PKD1L3: variants seen among roughly 807,000 people sequenced by gnomAD.
PKD1L3 encodes the protein polycystin-1-like protein 3.
In PKD1L3, 239 loss-of-function variants were observed where a neutral mutation model predicts 184.1. The observed-to-expected ratio is 1.30, with a 90% CI of 1.17 to 1.45. The LOEUF is 1.45. PKD1L3 is among the 40% of genes most tolerant of loss of function. PKD1L3 has a pLI of 0.00. For missense variants in PKD1L3, 2,660 were observed against 2,067.2 expected, an observed-to-expected ratio of 1.29 and a Z score of -5.56; for synonymous variants, 996 against 778.8, an observed-to-expected ratio of 1.28 and a Z score of -4.64.
chr16:71,999,042 C>T (rs112598676), intron 1 of PKD1L3, among the ~76,000 whole-genome samples: 20,376 of 151,870 alleles, frequency 0.13, 1,859 homozygotes, highest in Non-Finnish European at 0.19. Flanking sequence ...GAGGCCGAGG[C>T]GGGCGGATCA....
intron 8 of PKD1L3, 36 bp downstream of exon 8, chr16:71,979,971 A>C: frequency 6.5e-7 from 1 of 1,549,994 alleles, no homozygotes; most frequent in Non-Finnish European, 8.7e-7. Context: ...AGTGAAAAAC[A>C]CAGTGAAACT....
intron 4 of PKD1L3, among the ~76,000 whole-genome samples, chr16:71,987,836 G>T (rs902995724): frequency 6.7e-6 from 1 of 149,994 alleles, no homozygotes; most frequent in African/African-American, 2.5e-5. Flanking sequence ...AATACAGGGA[G>T]AGAGAGAGCT....
At chr16:71,946,293 CTG>C (rs1035010849) in intron 22 of PKD1L3, among the ~76,000 whole-genome samples, 2 of 151,866 alleles carry the variant, frequency 1.3e-5, no homozygotes, top group Admixed American at 1.3e-4. Flanking sequence ...ATAAAGTGTG[CTG>C]TGTACCCCTC....
chr16:71,984,113 G>C lies in PKD1L3; in HGVS notation c.889C>G (p.Leu297Val). ...FSRAVHGLQALNKLQEACEFL... is the reference protein window; with the variant it reads ...FSRAVHGLQAVNKLQEACEFL... Reference sequence around the variant, plus strand: ...TCACAAGCTTCCTGTAGTTTGTTAAGAGCTTGCAAACCATGAACTGCTCTG... The same window carrying C: ...TCACAAGCTTCCTGTAGTTTGTTAACAGCTTGCAAACCATGAACTGCTCTG... The change falls in exon 6 of 30, where the codon CTT becomes GTT. Residue 297 changes from leucine to valine, a missense_variant. Transcript: ENST00000620267. 1.3e-6 allele frequency: 2 copies of C among 1,552,060 alleles called. No individual in the cohort carries two copies. The highest frequency in any genetic ancestry group is 1.7e-6 in the Non-Finnish European group (2 of 1,147,022).
chr16:71,986,575 T>C, intron 4 of PKD1L3, 106 bp from the exon 5 acceptor site: 2 of 1,256,022 alleles, frequency 1.6e-6, no homozygotes, highest in Non-Finnish European at 2.1e-6. Context: ...TATGAGATAC[T>C]AATAGGCATT....
intron 4 of PKD1L3, among the ~76,000 whole-genome samples, chr16:71,989,643 T>C (rs1488013437): frequency 6.6e-6 from 1 of 152,236 alleles, no homozygotes; most frequent in Non-Finnish European, 1.5e-5. Flanking sequence ...CCTTTCCCTT[T>C]CTGTTAGATG....
chr16:71,955,243 G>A (rs1289298647), intron 16 of PKD1L3, among the ~76,000 whole-genome samples: 1 of 152,072 alleles, frequency 6.6e-6, no homozygotes, highest in Non-Finnish European at 1.5e-5. Context: ...GGTGTTTGTG[G>A]TGGAAGGGGT....
intron 3 of PKD1L3, among the ~76,000 whole-genome samples, chr16:71,992,417 G>A (rs923614639): frequency 1.3e-5 from 2 of 152,294 alleles, no homozygotes; most frequent in South Asian, 2.1e-4. Flanking sequence ...GGTAATAATG[G>A]AAGCATTGCT....
chr16:71,978,574 CTG>C (rs1422784895), intron 9 of PKD1L3, among the ~76,000 whole-genome samples, 191 bp from the exon 10 acceptor site: 1 of 147,176 alleles, frequency 6.8e-6, no homozygotes, highest in Non-Finnish European at 1.5e-5. Context: ...GAGTCACACT[CTG>C]TCAATCAGGA....
intron 5 of PKD1L3, among the ~76,000 whole-genome samples, chr16:71,985,572 C>T (rs969727463): frequency 6.6e-6 from 1 of 152,000 alleles, no homozygotes; most frequent in African/African-American, 2.4e-5. Flanking sequence ...GCTGGGACTA[C>T]AGGCACATGC....
rs531269366 is a variant in PKD1L3 at position 71,943,941 on chromosome 16, C to G, written c.3859+89G>C. The G allele has an allele frequency of 2.8e-6, 4 of 1,406,244 alleles. No individual in the cohort carries two copies. In the South Asian group the frequency reaches 4.3e-5, roughly 15 times the overall value. The allele number at this position is 1,406,244 out of a possible 1,614,324, so 87.1% of individuals were successfully genotyped here. On this transcript the variant is annotated intron_variant, in intron 23 of 29. Transcript: ENST00000620267. ...GATTTTAAAAGACAGCTTTTTAACC[C>G]TTCTTTATTTTCCATTTTATTCTCT...
At chr16:71,960,988 C>T (rs1376038570) in intron 16 of PKD1L3, among the ~76,000 whole-genome samples, 4 of 152,106 alleles carry the variant, frequency 2.6e-5, no homozygotes, top group Admixed American at 2.6e-4. Context: ...GAGAAAATTT[C>T]TACCAGTTTA....
chr16:71,999,688 G>C lies in PKD1L3; in HGVS notation c.291C>G (p.Tyr97Ter). The change falls in exon 1 of 30, where the codon TAC becomes TAG. Residue 97 changes from tyrosine (Y) to a stop codon, truncating the protein, a stop_gained. Transcript: ENST00000620267. LOFTEE classifies it high-confidence loss of function. The stretch of plus-strand genomic sequence containing the variant: ...CACTGAACCCCAGGGTCTTACCTGG[G>C]TATTTGTTGTCTTGATGCTTTTTCA... ...MPLKKHQDNK[Y>*]PADVAANGPP... The C allele has an allele frequency of 6.5e-7, 1 of 1,544,722 alleles. No homozygotes were observed. The highest frequency in any genetic ancestry group is 8.8e-7 in the Non-Finnish European group (1 of 1,142,434).
rs2040431724 is a variant in PKD1L3, at chr16:71,987,808, G to T, written c.586-1339C>A. Among the ~76,000 whole-genome samples, 3 of 152,114 alleles carry T rather than the reference G, an allele frequency of 2.0e-5. No homozygotes were observed. The South Asian group carries it at 6.2e-4, about 32-fold the overall frequency. On this transcript the variant is annotated intron_variant, in intron 4 of 29. Coordinates refer to ENST00000620267, the MANE Select transcript of PKD1L3 (RefSeq NM_181536.2). ...CATGAGGCACTGTGTCTGATGGAGG[G>T]ACATTTTTGCTGAGTTGAATACAGG...
At chr16:71,930,905 C>T (rs1407783778) in intron 28 of PKD1L3, 2 of 152,120 alleles carry the variant, frequency 1.3e-5, no homozygotes, top group Non-Finnish European at 2.9e-5. Flanking sequence ...GTCAATGCCA[C>T]CCTGATGGAA....
rs575051318 is a variant in PKD1L3, at chr16:71,955,979, G to A, written c.2613-1678C>T. Among the ~76,000 whole-genome samples, 20 of 152,040 alleles carry A rather than the reference G, an allele frequency of 1.3e-4. No individual in the cohort carries two copies. The East Asian group carries it at 2.9e-3, about 22-fold the overall frequency. On this transcript the variant is annotated intron_variant, in intron 16 of 29. Transcript: ENST00000620267. ...TTACAAATTACCCAGTCTTAGGTACGTCTCCATAGCAGCATGAGAATAGAC... is the reference window on the plus strand; with the variant it reads ...TTACAAATTACCCAGTCTTAGGTACATCTCCATAGCAGCATGAGAATAGAC...
Position 71,944,033 on chromosome 16 carries a change from A to G in PKD1L3, c.3856T>C (p.Leu1286=), listed in dbSNP as rs1280540376. The part of the protein sequence containing the change: ...KKLFKLTGDI[L]VQILFLTLLM... Reference sequence around the variant, plus strand: ...TGTTGCCATTTCCTCTCCATACCCAAAATATCTCCAGTCAGCTTGAAGAGT... The same window carrying G: ...TGTTGCCATTTCCTCTCCATACCCAGAATATCTCCAGTCAGCTTGAAGAGT... Residue 1286 remains leucine, a synonymous_variant, in exon 23 of 30, where the codon TTG becomes CTG. Transcript: ENST00000620267. 1 of 1,551,060 alleles carries G rather than the reference A, an allele frequency of 6.4e-7. No homozygotes were observed. Among genetic ancestry groups the G allele is most frequent in the Non-Finnish European group, 8.7e-7 (1 of 1,146,894 alleles).
chr16:71,981,986 G>A, intron 7 of PKD1L3, 73 bp downstream of exon 7: 1 of 1,361,156 alleles, frequency 7.3e-7, no homozygotes, highest in South Asian at 1.6e-5. Context: ...CTGGGGAGAG[G>A]CTGTGATACC....
At chr16:71,944,543 C>T (rs980908399) in intron 22 of PKD1L3, among the ~76,000 whole-genome samples, 1 of 152,004 alleles carries the variant, frequency 6.6e-6, no homozygotes, top group African/African-American at 2.4e-5. Context: ...ATTAGCCAGG[C>T]ATAGTGGCTC....
Sources: allele counts gnomAD v4.1 joint callset (sites outside exome capture counted in the v4.1 genomes callset), GRCh38; gene constraint gnomAD v4.1.1; transcripts MANE v1.5; gene names NCBI Gene and HGNC (gene_info 2026-07-23, HGNC 2026-07-21).